Variants in PABPC4 observed in about 807,000 individuals in gnomAD.
The protein encoded by PABPC4 is poly(A) binding protein cytoplasmic 4.
A neutral mutation model predicts 74.5 loss-of-function variants in PABPC4; 15 were observed. The observed-to-expected ratio is 0.20, with a 90% CI of 0.13 to 0.31. The LOEUF (loss-of-function observed/expected upper bound fraction) is 0.31. Among genes scored for constraint, PABPC4 ranks in the 10% least tolerant of loss-of-function variants. The pLI is 1.00. For missense variants in PABPC4, 610 were observed against 853.5 expected (o/e 0.71, Z 3.55); for synonymous variants, 345 against 303.0 (o/e 1.14, Z -1.44).
chr1:39,564,495 T>C lies in PABPC4; in HGVS notation c.1381A>G (p.Thr461Ala), dbSNP rs564686454. 4.3e-6 allele frequency: 7 copies of C among 1,614,040 alleles called. No homozygotes were observed. In the Admixed American group the frequency reaches 6.7e-5, roughly 15 times the overall value. Residue 461 changes from threonine (T) to alanine (A), a missense_variant, in exon 10 of 16, where the codon ACT (threonine) becomes GCT (alanine). By Grantham distance (58) the Thr-to-Ala change is moderately conservative. Transcript: ENST00000372858. ...CCAGTTGGAGCCAGATGGCGAAGAG[T>C]TGGACGAGGCCCAGACTGGCGTATA... is the stretch of plus-strand genomic sequence containing the variant. ...SAIRQSGPRP[T>A]LRHLAPTGNA...
chr1:39,568,501 T>C (rs1645886970), intron 6 of PABPC4: 1 of 277,418 alleles, frequency 3.6e-6, no homozygotes. Context: ...AGGGGTCTTC[T>C]TGAAGCCATG....
At chr1:39,564,081 C>G (rs1255799448) in intron 10 of PABPC4, 159 bp from the exon 11 acceptor site, 3 of 653,060 alleles carry the variant, frequency 4.6e-6, no homozygotes, top group African/African-American at 3.6e-5. Flanking sequence ...ACAACTCTTT[C>G]CACATCTTGG....
chr1:39,564,619 A>C, intron 9 of PABPC4, 67 bp downstream of exon 9: 1 of 1,610,360 alleles, frequency 6.2e-7, no homozygotes, highest in Non-Finnish European at 8.5e-7. Flanking sequence ...AGTGGGGAAG[A>C]AGGAAAGGCA....
chr1:39,564,353 C>G, intron 10 of PABPC4, 70 bp downstream of exon 10: 1 of 1,578,952 alleles, frequency 6.3e-7, no homozygotes, highest in Non-Finnish European at 8.6e-7. Flanking sequence ...AACTGACCAA[C>G]CCAGGACAGA....
At position 39,575,963 on chromosome 1, in the gene PABPC4, C is replaced by T; in HGVS notation, c.-12G>A. The T allele has an allele frequency of 6.5e-7, 1 of 1,528,640 alleles. No individual in the cohort carries two copies. Among genetic ancestry groups the T allele is most frequent in the Non-Finnish European group, 8.8e-7 (1 of 1,132,874 alleles). The allele number at this position is 1,528,640 out of a possible 1,614,324, so 94.7% of individuals were successfully genotyped here. A position where few individuals can be genotyped will look rare whatever the true frequency, so the allele number is the denominator to read the frequency against. On this transcript the variant is annotated 5_prime_UTR_variant, in exon 1 of 16. Coordinates refer to ENST00000372858, the MANE Select transcript of PABPC4 (RefSeq NM_001135653.2). ...GCCGCAGCGTTCATCTCCCCGCCCC[C>T]CACCACCCCGAGCCCCGCCAGGAGG...
intron 1 of PABPC4, among the ~76,000 whole-genome samples, chr1:39,573,939 G>A (rs16826350): frequency 0.058 from 8,763 of 152,138 alleles, 738 homozygotes; most frequent in African/African-American, 0.19. Context: ...TTTCCTTAAG[G>A]CTATGATGGC....
At chr1:39,569,121 G>C (rs1392794921) in intron 5 of PABPC4, among the ~76,000 whole-genome samples, 182 bp from the exon 6 acceptor site, 2 of 152,152 alleles carry the variant, frequency 1.3e-5, no homozygotes, top group Admixed American at 1.3e-4. Flanking sequence ...ATTTAAATGG[G>C]TTATTGATCC....
Position 39,576,569 on chromosome 1 carries a change from G to GAGACCGACGGACGC in PABPC4, c.-632_-619dup, listed in dbSNP as rs1646029880. The GAGACCGACGGACGC allele has an allele frequency of 6.7e-6, 1 of 149,764 alleles. No individual in the cohort carries two copies. The highest frequency in any genetic ancestry group is 1.5e-5 in the Non-Finnish European group (1 of 67,020). 9.3% of individuals were successfully genotyped at this position (149,764 alleles called of 1,614,324 possible). On this transcript the variant is annotated 5_prime_UTR_variant, in exon 1 of 16. Coordinates refer to ENST00000372858, the MANE Select transcript of PABPC4 (RefSeq NM_001135653.2). ...CGGCTCACCCCCGGACCGACGGACG[G>GAGACCGACGGACGC]AGACCGACGGACGCCAAGCGCTGCG... is the stretch of plus-strand genomic sequence containing the variant.
At position 39,562,329 on chromosome 1, in the gene PABPC4, T is replaced by A; in HGVS notation, c.1756A>T (p.Met586Leu). 1 of 1,613,882 alleles carries A rather than the reference T, an allele frequency of 6.2e-7. No homozygotes were observed. Among genetic ancestry groups the A allele is most frequent in the Non-Finnish European group, 8.5e-7 (1 of 1,179,846 alleles). Residue 586 changes from methionine (M) to leucine (L), a missense_variant, in exon 13 of 16, where the codon ATG becomes TTG. By Grantham distance (15) the Met-to-Leu change is conservative (BLOSUM62 2). Around this residue, in one of 4 missense-constraint regions of PABPC4, gnomAD observed 277 missense variants for 301.8 expected, o/e 0.92. Transcript: ENST00000372858. Reference sequence around the variant, plus strand: ...AAGCAAGTGGGTCACTCACCCAGCATCTGCTTCTGTTCCTGGGGGGGTGCT... The same window carrying A: ...AAGCAAGTGGGTCACTCACCCAGCAACTGCTTCTGTTCCTGGGGGGGTGCT... ...AAAPPQEQKQMLGERLFPLIQ... is the reference protein window; with the variant it reads ...AAAPPQEQKQLLGERLFPLIQ...
intron 7 of PABPC4, among the ~76,000 whole-genome samples, chr1:39,567,058 G>C (rs971005964): frequency 2.6e-4 from 39 of 152,140 alleles, no homozygotes; most frequent in African/African-American, 9.4e-4. Context: ...ACCGGCGTCT[G>C]CATCCGGCCA....
At chr1:39,567,539 T>C (rs1450587000) in intron 7 of PABPC4, 2 of 662,554 alleles carry the variant, frequency 3.0e-6, no homozygotes, top group South Asian at 1.4e-5. Flanking sequence ...CTGGGTCAAA[T>C]TCCTCTCCAG....
intron 7 of PABPC4, among the ~76,000 whole-genome samples, chr1:39,567,112 A>G (rs1645857612): frequency 6.6e-6 from 1 of 152,148 alleles, no homozygotes; most frequent in Admixed American, 6.5e-5. Context: ...TCCTGCTCCC[A>G]AAGTGCCAAG....
rs373047608 is a variant in PABPC4 at position 39,567,655 on chromosome 1, G to C, written c.972+96C>G. 1.5e-5 allele frequency: 11 copies of C among 747,008 alleles called. No individual in the cohort carries two copies. The East Asian group carries it at 2.0e-4, about 13-fold the overall frequency. The allele number at this position is 747,008 out of a possible 1,614,324, so 46.3% of individuals were successfully genotyped here. ...AAACGTAGTAGCTACTTTCAGAAATGAACATAATTTAAATGCTATTCCTTC... is the reference window on the plus strand; with the variant it reads ...AAACGTAGTAGCTACTTTCAGAAATCAACATAATTTAAATGCTATTCCTTC... On this transcript the variant is annotated intron_variant, in intron 7 of 15. Coordinates refer to ENST00000372858, the MANE Select transcript of PABPC4 (RefSeq NM_001135653.2).
intron 10 of PABPC4, chr1:39,564,214 C>G (rs1323210049): frequency 7.7e-6 from 5 of 645,770 alleles, no homozygotes; most frequent in African/African-American, 1.8e-5. Context: ...ACATAGGTCA[C>G]CGATGAGCAA....
chr1:39,562,161 A>G lies in PABPC4; in HGVS notation c.1805T>C (p.Leu602Pro). ...FPLIQTMHSN[L>P]AGKITGMLLE... ...CAGCATTCCCGTGATCTTCCCAGCC[A>G]GATTTGAATGCATTGTTTGGATGAG... Residue 602 changes from leucine (L) to proline (P), a missense_variant, in exon 14 of 16, where the codon CTG becomes CCG. This residue lies in a region of PABPC4 where 277 missense variants were observed against 301.8 expected (regional missense o/e 0.92). Transcript: ENST00000372858. The G allele has an allele frequency of 6.2e-7, 1 of 1,614,212 alleles. No individual in the cohort carries two copies. Among genetic ancestry groups the G allele is most frequent in the Non-Finnish European group, 8.5e-7 (1 of 1,180,016 alleles).
chr1:39,572,000 A>C (rs1420342284), intron 2 of PABPC4, among the ~76,000 whole-genome samples: 2 of 152,202 alleles, frequency 1.3e-5, no homozygotes, highest in Non-Finnish European at 2.9e-5. Context: ...ATACACCACC[A>C]CCGTTTAAGT....
At chr1:39,566,715 G>A (rs1450712449) in intron 7 of PABPC4, among the ~76,000 whole-genome samples, 1 of 152,116 alleles carries the variant, frequency 6.6e-6, no homozygotes, top group Non-Finnish European at 1.5e-5. Flanking sequence ...ATGAAAATGG[G>A]GACAATTCAA....
intron 1 of PABPC4, among the ~76,000 whole-genome samples, chr1:39,574,192 T>G (rs1412383481): frequency 6.6e-6 from 1 of 152,078 alleles, no homozygotes; most frequent in Non-Finnish European, 1.5e-5. Context: ...TGGGGGGTAG[T>G]TGGGAAAAGG....
intron 7 of PABPC4, 102 bp from the exon 8 acceptor site, chr1:39,565,480 C>G (rs1334091600): frequency 1.6e-6 from 2 of 1,219,294 alleles, no homozygotes; most frequent in African/African-American, 3.0e-5. Flanking sequence ...GGTGGGAGGG[C>G]TGCTTGAGCT....
Sources: gnomAD v4.1 joint callset for allele counts (sites outside exome capture counted in the v4.1 genomes callset) on GRCh38, gnomAD v4.1.1 for gene constraint, gnomAD v4.1.1 regional missense constraint, MANE v1.5 for transcripts, NCBI Gene and HGNC (gene_info 2026-07-23, HGNC 2026-07-21) for gene names.